Variants in NUP160 observed in about 807,000 individuals in gnomAD.
The protein encoded by NUP160 is nuclear pore complex protein Nup160.
NUP160 carries 94 observed loss-of-function variants against 196.9 expected under a neutral mutation model. The ratio of observed to expected loss-of-function variants is 0.48; its 90% confidence interval spans 0.40 to 0.57. NUP160 has a LOEUF of 0.57. Ranked by LOEUF, NUP160 falls within the 20% of genes least tolerant of loss-of-function variation. The pLI is 0.00. For synonymous variants in NUP160, 605 were observed against 619.7 expected (o/e 0.98, Z 0.35); for missense variants, 1,638 against 1,748.3 (o/e 0.94, Z 1.13).
chr11:47,842,223 C>T (rs1294151382), intron 2 of NUP160, among the ~76,000 whole-genome samples: 5 of 152,052 alleles, frequency 3.3e-5, no homozygotes, highest in Admixed American at 2.0e-4. Flanking sequence ...GCTAGATTTC[C>T]TCAAACCTTG....
At chr11:47,801,708 C>T (rs1599316606) in intron 23 of NUP160, 103 bp downstream of exon 23, 1 of 1,094,344 alleles carries the variant, frequency 9.1e-7, no homozygotes, top group Non-Finnish European at 1.3e-6. Context: ...GTTCAGGGAG[C>T]AACTGAATTT....
chr11:47,789,138 A>G (rs1266277980), intron 29 of NUP160, among the ~76,000 whole-genome samples: 2 of 152,102 alleles, frequency 1.3e-5, no homozygotes, highest in Non-Finnish European at 2.9e-5. Context: ...CAGCCTCCCA[A>G]CGTGCTGGGA....
intron 17 of NUP160, among the ~76,000 whole-genome samples, chr11:47,809,549 G>A (rs2135372181): frequency 6.6e-6 from 1 of 152,078 alleles, no homozygotes; most frequent in African/African-American, 2.4e-5. Context: ...AGGAGTTCGA[G>A]ACCAGTCTGG....
chr11:47,812,558 T>C (rs919073315), intron 15 of NUP160, 129 bp from the exon 16 acceptor site: 19 of 939,078 alleles, frequency 2.0e-5, no homozygotes, highest in Admixed American at 5.5e-5. Context: ...CACTCTGGCA[T>C]ATAAGATACA....
At chr11:47,828,351 C>T (rs573414437) in intron 7 of NUP160, among the ~76,000 whole-genome samples, 122 of 152,072 alleles carry the variant, frequency 8.0e-4, no homozygotes, top group Non-Finnish European at 9.1e-4. Context: ...AAAATAATTT[C>T]GTTTATAATA....
chr11:47,834,838 T>C (rs1852143928), intron 7 of NUP160, among the ~76,000 whole-genome samples: 1 of 152,008 alleles, frequency 6.6e-6, no homozygotes, highest in South Asian at 2.1e-4. Context: ...CACGAACAGT[T>C]TGAGATGGCT....
At chr11:47,785,106 T>TTTTTTTTTTTTTTTTTTTTTTTTTTTTG in intron 32 of NUP160, 43 bp from the exon 33 acceptor site, 1 of 981,314 alleles carries the variant, frequency 1.0e-6, no homozygotes. Flanking sequence ...AGATTCTTAA[T>TTTTTTTTTTTTTTTTTTTTTTTTTTTTG]AGCTATTTAG....
intron 30 of NUP160, 48 bp downstream of exon 30, chr11:47,788,453 T>C (rs2097665959): frequency 1.9e-6 from 3 of 1,561,412 alleles, no homozygotes; most frequent in African/African-American, 1.4e-5. Flanking sequence ...ACCTAAAATG[T>C]GCTCGTGGTG....
At chr11:47,791,894 G>A (rs373084639) in intron 29 of NUP160, 36 bp downstream of exon 29, 18 of 1,387,482 alleles carry the variant, frequency 1.3e-5, no homozygotes, top group Admixed American at 1.1e-4. Flanking sequence ...CATTACTACT[G>A]TCTAGCAAAG....
intron 15 of NUP160, 122 bp downstream of exon 15, chr11:47,812,760 C>T (rs755223759): frequency 9.1e-5 from 64 of 700,586 alleles, no homozygotes; most frequent in Middle Eastern, 5.1e-4. Context: ...AGAATCATGG[C>T]GCATCAGTTT....
intron 16 of NUP160, 28 bp downstream of exon 16, chr11:47,812,274 G>A: frequency 3.1e-6 from 5 of 1,613,642 alleles, no homozygotes; most frequent in Non-Finnish European, 4.2e-6. Flanking sequence ...TTTAATCAAA[G>A]AGGCACATTT....
Position 47,819,475 on chromosome 11 carries a change from C to T in NUP160, c.1278-17G>A. 1.3e-6 allele frequency: 2 copies of T among 1,573,722 alleles called. No individual in the cohort carries two copies. Among genetic ancestry groups the T allele is most frequent in the East Asian group, 2.2e-5 (1 of 44,676 alleles). ...GCAACATTACTAGAGACAAAAAAGT[C>T]CACCAGTTTATACAGAAATGATCAC... On this transcript the variant is annotated splice_polypyrimidine_tract_variant and intron_variant, in intron 9 of 35. Coordinates refer to ENST00000378460, the Ensembl canonical transcript of NUP160.
intron 11 of NUP160, among the ~76,000 whole-genome samples, chr11:47,816,297 C>T (rs2097684418): frequency 6.6e-6 from 1 of 152,112 alleles, no homozygotes; most frequent in African/African-American, 2.4e-5. Context: ...ATAACTCCCA[C>T]AAGAGGTAGT....
intron 24 of NUP160, 51 bp from the exon 25 acceptor site, chr11:47,798,313 T>C: frequency 6.5e-7 from 1 of 1,536,200 alleles, no homozygotes; most frequent in South Asian, 1.1e-5. Context: ...GAAATGAACA[T>C]ACCACACCCA....
intron 20 of NUP160, among the ~76,000 whole-genome samples, chr11:47,805,100 T>G (rs1009868301): frequency 6.6e-6 from 1 of 151,810 alleles, no homozygotes; most frequent in Admixed American, 6.6e-5. Flanking sequence ...ACCTGGCATA[T>G]AGAGTCATTC....
exon 5 of NUP160, chr11:47,837,595 C>A (rs1198301891): frequency 1.2e-6 from 2 of 1,614,060 alleles, no homozygotes; most frequent in East Asian, 2.2e-5. Context: ...TTACTGAACT[C>A]TGTTTCAGTT....
exon 4 of NUP160, chr11:47,840,055 A>C: frequency 6.2e-7 from 1 of 1,611,626 alleles, no homozygotes; most frequent in South Asian, 1.1e-5. Flanking sequence ...CTGACTGTCA[A>C]CTACCAACTC....
intron 7 of NUP160, among the ~76,000 whole-genome samples, chr11:47,824,282 T>C (rs1295473156): frequency 6.6e-6 from 1 of 151,790 alleles, no homozygotes; most frequent in Non-Finnish European, 1.5e-5. Flanking sequence ...TCCTAATAGA[T>C]GTGAGGTGAT....
At chr11:47,813,393 G>A (rs769630459) in exon 14 of NUP160, 1 of 1,611,442 alleles carries the variant, frequency 6.2e-7, no homozygotes, top group East Asian at 2.2e-5. Flanking sequence ...TAAGGATGAG[G>A]GAATAAGGAA....
Sources: allele counts gnomAD v4.1 joint callset (sites outside exome capture counted in the v4.1 genomes callset), GRCh38; gene constraint gnomAD v4.1.1; transcripts MANE v1.5; gene names NCBI Gene and HGNC (gene_info 2026-07-23, HGNC 2026-07-21).